HIVEP3: variants seen among roughly 807,000 people sequenced by gnomAD.
HIVEP3 encodes HIVEP zinc finger 3.
In HIVEP3, 49 loss-of-function variants were observed where a neutral mutation model predicts 152.8. The ratio of observed to expected loss-of-function variants is 0.32; its 90% CI spans 0.26 to 0.41. The LOEUF is 0.41. Ranked by LOEUF, HIVEP3 falls within the 10% of genes least tolerant of loss-of-function variation. The pLI, the probability that HIVEP3 is intolerant of heterozygous loss-of-function variation, is 1.00. For synonymous variants in HIVEP3, 1,269 were observed against 1,289.0 expected, an observed-to-expected ratio of 0.98 and a Z score of 0.33; for missense variants, 2,790 against 3,103.3, an observed-to-expected ratio of 0.90 and a Z score of 2.40.
intron 3 of HIVEP3, among the ~76,000 whole-genome samples, chr1:41,598,366 C>T (rs760857868): frequency 6.6e-6 from 1 of 152,146 alleles, no homozygotes; most frequent in Non-Finnish European, 1.5e-5. Context: ...AGTTAAGGTT[C>T]TTGTGTCTAC....
chr1:41,723,496 A>ACACAGCC (rs1553253147), intron 1 of HIVEP3, among the ~76,000 whole-genome samples: 17 of 132,848 alleles, frequency 1.3e-4, no homozygotes, highest in African/African-American at 4.4e-4. Context: ...ACACACACAC[A>ACACAGCC]GCCACCACAC....
chr1:41,527,220 ACACT>A (rs1489602054), intron 5 of HIVEP3, among the ~76,000 whole-genome samples: 11 of 78,296 alleles, frequency 1.4e-4, no homozygotes, highest in East Asian at 1.2e-3. Context: ...TCACCCTCAC[ACACT>A]CACCCTCACA....
intron 1 of HIVEP3, among the ~76,000 whole-genome samples, chr1:41,772,412 G>A (rs543343214): frequency 1.1e-4 from 17 of 152,274 alleles, no homozygotes; most frequent in African/African-American, 3.6e-4. Context: ...GGGTTTTCTG[G>A]CACTTGCAGC....
intron 1 of HIVEP3, among the ~76,000 whole-genome samples, chr1:41,769,049 G>A (rs1648185684): frequency 6.6e-6 from 1 of 152,220 alleles, no homozygotes; most frequent in Non-Finnish European, 1.5e-5. Flanking sequence ...TGCAATGCAA[G>A]CGCTTTCTGA....
chr1:41,517,594 A>T (rs1642645535), intron 7 of HIVEP3, among the ~76,000 whole-genome samples: 1 of 152,198 alleles, frequency 6.6e-6, no homozygotes, highest in Non-Finnish European at 1.5e-5. Context: ...CCTGGGGCTG[A>T]TTTCAGGGAA....
chr1:41,789,851 A>G (rs1016844082), intron 1 of HIVEP3, among the ~76,000 whole-genome samples: 1 of 152,298 alleles, frequency 6.6e-6, no homozygotes, highest in East Asian at 1.9e-4. Context: ...CTGTCCTGTC[A>G]TTCTGCCCCC....
intron 5 of HIVEP3, among the ~76,000 whole-genome samples, chr1:41,541,517 C>A (rs1885654): frequency 0.28 from 42,288 of 152,054 alleles, 7,257 homozygotes; most frequent in Non-Finnish European, 0.4. Flanking sequence ...GGCCTCTCAG[C>A]AGATCACCCT....
At chr1:41,965,462 C>T (rs1329370991) in intron 1 of HIVEP3, among the ~76,000 whole-genome samples, 1 of 152,086 alleles carries the variant, frequency 6.6e-6, no homozygotes, top group Admixed American at 6.5e-5. Context: ...TAACCCAAGG[C>T]AAAGAAGCTA....
intron 1 of HIVEP3, among the ~76,000 whole-genome samples, chr1:41,957,934 G>C (rs1413372790): frequency 2.0e-5 from 3 of 152,194 alleles, no homozygotes; most frequent in Non-Finnish European, 4.4e-5. Context: ...TCAACCACAG[G>C]TGAGTTTTCC....
At chr1:41,733,087 T>C (rs1474227831) in intron 1 of HIVEP3, among the ~76,000 whole-genome samples, 1 of 152,126 alleles carries the variant, frequency 6.6e-6, no homozygotes, top group African/African-American at 2.4e-5. Flanking sequence ...ATGGAGGAAA[T>C]GTTCTGGCCA....
intron 3 of HIVEP3, among the ~76,000 whole-genome samples, chr1:41,619,821 C>T (rs188093662): frequency 2.0e-4 from 31 of 152,288 alleles, no homozygotes; most frequent in East Asian, 9.6e-4. Flanking sequence ...CAACCAGCCC[C>T]GGTAGAGCAG....
chr1:41,613,184 C>G (rs1644922094), intron 3 of HIVEP3, among the ~76,000 whole-genome samples: 1 of 152,248 alleles, frequency 6.6e-6, no homozygotes, highest in Admixed American at 6.5e-5. Context: ...TGCGTCCTCT[C>G]CAAATGGGTT....
At position 41,640,490 on chromosome 1, in the gene HIVEP3, C is replaced by G. The variant is rs552710846; in HGVS notation, c.-720-11543G>C. Among the ~76,000 whole-genome samples, 4 of 152,334 alleles carry G rather than the reference C, an allele frequency of 2.6e-5. No individual in the cohort carries two copies. The South Asian group carries it at 8.3e-4, about 32-fold the overall frequency. ...GGTCCAGCTGCACCCAGCTAAGTGACCTTGGACAAGACACTCTCCATCACT... is the reference window on the plus strand; with the variant it reads ...GGTCCAGCTGCACCCAGCTAAGTGAGCTTGGACAAGACACTCTCCATCACT... On this transcript the variant is annotated intron_variant, in intron 2 of 8. Transcript: ENST00000372583.
At chr1:41,575,434 C>A (rs571602162) in intron 5 of HIVEP3, 110 bp downstream of exon 5, 3 of 1,133,686 alleles carry the variant, frequency 2.6e-6, no homozygotes, top group South Asian at 2.8e-5. Context: ...GACCACAGGG[C>A]ACCTGTGGGC....
At chr1:41,937,759 T>C (rs954463847) in intron 1 of HIVEP3, among the ~76,000 whole-genome samples, 5 of 152,210 alleles carry the variant, frequency 3.3e-5, no homozygotes, top group African/African-American at 1.2e-4. Flanking sequence ...TGTCAACTAA[T>C]AATATCTATT....
At chr1:41,623,627 G>C (rs1645076335) in intron 3 of HIVEP3, among the ~76,000 whole-genome samples, 1 of 152,092 alleles carries the variant, frequency 6.6e-6, no homozygotes, top group South Asian at 2.1e-4. Flanking sequence ...AGGTGGCCTG[G>C]GAGTCAGGAC....
rs781019727 is a variant in HIVEP3 at position 41,580,880 on chromosome 1, G to A, written c.3918C>T (p.Ala1306=). The A allele has an allele frequency of 2.5e-6, 4 of 1,609,318 alleles. No homozygotes were observed. Among genetic ancestry groups the A allele is most frequent in the East Asian group, 2.2e-5 (1 of 44,882 alleles). The change falls in exon 4 of 9, where the codon GCC becomes GCT. Residue 1306 remains alanine (A), a synonymous_variant. Coordinates refer to ENST00000372583, the MANE Select transcript of HIVEP3 (RefSeq NM_024503.5). ...CCATGGTGTCTGGACAGGCAGGCAG[G>A]GCCAGTGGAGGAGCTGATGTAGGTG... The part of the protein sequence containing the change: ...SSAPTSAPPL[A]LPACPDTMVS...
intron 5 of HIVEP3, among the ~76,000 whole-genome samples, chr1:41,556,207 C>G (rs998822907): frequency 6.6e-6 from 1 of 152,120 alleles, no homozygotes; most frequent in Admixed American, 6.5e-5. Flanking sequence ...ACTACCATAC[C>G]GTTTTTCACA....
chr1:41,981,419 C>T (rs927379115), intron 1 of HIVEP3, among the ~76,000 whole-genome samples: 4 of 152,122 alleles, frequency 2.6e-5, no homozygotes, highest in African/African-American at 4.8e-5. Context: ...CCGGCTCCGT[C>T]GGGGGCAGGA....
Sources: allele counts gnomAD v4.1 joint callset (sites outside exome capture counted in the v4.1 genomes callset), GRCh38; gene constraint gnomAD v4.1.1; transcripts MANE v1.5; gene names NCBI Gene and HGNC (gene_info 2026-07-23, HGNC 2026-07-21).